The following GAL3ST1 variants were observed in gnomAD, a reference collection of about 807,000 sequenced individuals.
GAL3ST1 encodes the protein galactosylceramide sulfotransferase.
GAL3ST1 carries 13 observed loss-of-function variants against 25.0 expected under a neutral mutation model. That is an observed-to-expected ratio of 0.52 (90% CI 0.34 to 0.83). GAL3ST1 has a LOEUF of 0.83. Among genes scored for constraint, GAL3ST1 ranks in the 40% least tolerant of loss-of-function variants. The pLI is 0.02. For synonymous variants in GAL3ST1, 274 were observed against 277.8 expected (o/e 0.99, Z 0.14); for missense variants, 474 against 613.6 (o/e 0.77, Z 2.40).
chr22:30,555,545 C>T lies in GAL3ST1; in HGVS notation c.680G>A (p.Ser227Asn), dbSNP rs764105271. 1 of 1,613,668 alleles carries T rather than the reference C, an allele frequency of 6.2e-7. No homozygotes were observed. The highest frequency in any genetic ancestry group is 2.2e-5 in the East Asian group (1 of 44,874). ...CACCTGCGGGCTGCTGGGGTCCAGG[C>T]TGTTGTCATAGCCCAGGTCGAAGAA... ...LLFFDLGYDN[S>N]LDPSSPQVQE... The change falls in exon 4 of 4, where the codon AGC becomes AAC. Residue 227 changes from serine (S) to asparagine (N), a missense_variant. Around this residue, in one of 2 missense-constraint regions of GAL3ST1, gnomAD observed 359 missense variants for 504.4 expected, o/e 0.71. Transcript: ENST00000406361. This position sits in a 1 kb window ranked among gnomAD's most constrained non-coding sequence, Gnocchi z 8.6.
chr22:30,560,091 C>T (rs138685210), intron 1 of GAL3ST1, among the ~76,000 whole-genome samples: 1,631 of 152,236 alleles, frequency 0.011, 15 homozygotes, highest in Non-Finnish European at 0.017. Context: ...TACCGTGAGC[C>T]AAGGTCGCAC....
chr22:30,565,235 G>C (rs920523161), intron 1 of GAL3ST1: 1 of 152,308 alleles, frequency 6.6e-6, no homozygotes, highest in South Asian at 2.1e-4. Context: ...AGGTGGGCTG[G>C]GGTGCCAGAG....
At chr22:30,566,158 T>C (rs1168274091) in intron 1 of GAL3ST1, 1 of 152,264 alleles carries the variant, frequency 6.6e-6, no homozygotes, top group African/African-American at 2.4e-5. Flanking sequence ...GCCTTCTCTC[T>C]AGGTACTGGA....
At chr22:30,567,855 G>C (rs948861220) in intron 1 of GAL3ST1, among the ~76,000 whole-genome samples, 8 of 151,562 alleles carry the variant, frequency 5.3e-5, no homozygotes, top group African/African-American at 1.9e-4. Flanking sequence ...AGCTAATTTT[G>C]TATTTTTAGT....
chr22:30,558,048 A>C (rs989334550), intron 2 of GAL3ST1, among the ~76,000 whole-genome samples: 1 of 151,604 alleles, frequency 6.6e-6, no homozygotes, highest in Non-Finnish European at 1.5e-5. Flanking sequence ...TTGGCCTCCC[A>C]AATTGCTGGG....
intron 1 of GAL3ST1, among the ~76,000 whole-genome samples, chr22:30,558,797 A>G (rs894123381): frequency 6.6e-6 from 1 of 152,224 alleles, no homozygotes; most frequent in African/African-American, 2.4e-5. Context: ...ATTTCAGATA[A>G]ACAATGAATA....
chr22:30,572,319 A>G (rs1243939317), intron 1 of GAL3ST1, among the ~76,000 whole-genome samples: 1 of 152,160 alleles, frequency 6.6e-6, no homozygotes, highest in Non-Finnish European at 1.5e-5. Context: ...TGCAATGCAC[A>G]ATGCCGGAGA....
intron 1 of GAL3ST1, among the ~76,000 whole-genome samples, chr22:30,573,600 CCT>C (rs1377074800): frequency 3.3e-5 from 5 of 152,322 alleles, no homozygotes; most frequent in Non-Finnish European, 2.9e-5. Flanking sequence ...GTCCTCTACA[CCT>C]CTCTCCCCTC....
intron 1 of GAL3ST1, among the ~76,000 whole-genome samples, chr22:30,569,416 G>C (rs1176347758): frequency 2.0e-5 from 3 of 152,098 alleles, no homozygotes; most frequent in Non-Finnish European, 4.4e-5. Flanking sequence ...GTTGCTGTTG[G>C]GTGACTGGCT....
chr22:30,568,394 G>A (rs1032236394), intron 1 of GAL3ST1, among the ~76,000 whole-genome samples: 4 of 152,210 alleles, frequency 2.6e-5, no homozygotes, highest in African/African-American at 9.7e-5. Flanking sequence ...GCCAGCTGAT[G>A]AGGTTAAGTG....
chr22:30,555,024 G>A lies in GAL3ST1; in HGVS notation c.1201C>T (p.Leu401=), dbSNP rs747421109. Residue 401 remains leucine (L), a synonymous_variant, in exon 4 of 4, where the codon CTG becomes TTG. Transcript: ENST00000406361. This position sits in a 1 kb window ranked among gnomAD's most constrained non-coding sequence, Gnocchi z 8.6. ...CACAGGTTGGCGCCGAGGTCCATCA[G>A]GTACTGGATCTCGGGCGTGAGCATG... ...RRMLTPEIQY[L]MDLGANLWVT... 3 of 1,608,306 alleles carry A rather than the reference G, an allele frequency of 1.9e-6. No homozygotes were observed. The highest frequency in any genetic ancestry group is 3.3e-5 in the Admixed American group (2 of 59,788).
chr22:30,561,050 TTCTCC>T (rs1361911631), intron 1 of GAL3ST1, among the ~76,000 whole-genome samples: 1 of 152,118 alleles, frequency 6.6e-6, no homozygotes, highest in Non-Finnish European at 1.5e-5. Context: ...GTTCAAGTGA[TTCTCC>T]TGCCTCAGCC....
chr22:30,556,178 G>C, intron 3 of GAL3ST1, 85 bp from the exon 4 acceptor site: 1 of 1,120,994 alleles, frequency 8.9e-7, no homozygotes, highest in Non-Finnish European at 1.3e-6. Context: ...AGATTATTGG[G>C]AACAGTGGTG....
At chr22:30,564,517 G>A (rs1312652257) in intron 1 of GAL3ST1, among the ~76,000 whole-genome samples, 2 of 152,184 alleles carry the variant, frequency 1.3e-5, no homozygotes, top group African/African-American at 4.8e-5. Context: ...CAGGCACTCA[G>A]GATGGACGGT....
Position 30,564,800 on chromosome 22 carries a change from G to T in GAL3ST1, c.-119-6412C>A, listed in dbSNP as rs5994321. ...ATCCTACTTTCCCTGTAACCCCTGT[G>T]GTGGAGCAAAAGAGACACACTCACC... On this transcript the variant is annotated intron_variant, in intron 1 of 3. Coordinates refer to ENST00000406361, the MANE Select transcript of GAL3ST1 (RefSeq NM_001318104.2). 3 of 152,250 alleles carry T rather than the reference G, an allele frequency of 2.0e-5. No individual in the cohort carries two copies. In the East Asian group the frequency reaches 5.8e-4, roughly 29 times the overall value. The allele number at this position is 152,250 out of a possible 1,614,324, so 9.4% of individuals were successfully genotyped here. A position where few individuals can be genotyped will look rare whatever the true frequency, so the allele number is the denominator to read the frequency against.
At chr22:30,560,635 C>G (rs1324276159) in intron 1 of GAL3ST1, 1 of 152,220 alleles carries the variant, frequency 6.6e-6, no homozygotes, top group African/African-American at 2.4e-5. Flanking sequence ...GTCCAAAACT[C>G]TGGGCCTCAG....
intron 1 of GAL3ST1, among the ~76,000 whole-genome samples, chr22:30,569,154 G>A (rs1416901958): frequency 2.0e-5 from 3 of 152,020 alleles, no homozygotes; most frequent in African/African-American, 7.3e-5. Flanking sequence ...GATCCTGTGG[G>A]CTGTAGGGAC....
intron 1 of GAL3ST1, among the ~76,000 whole-genome samples, chr22:30,574,009 C>T (rs1214277368): frequency 2.6e-5 from 4 of 152,176 alleles, no homozygotes; most frequent in South Asian, 2.1e-4. Context: ...GGGGATCCAT[C>T]CCTTACTATG....
chr22:30,569,287 T>G (rs994603115), intron 1 of GAL3ST1, among the ~76,000 whole-genome samples: 2 of 151,936 alleles, frequency 1.3e-5, no homozygotes, highest in African/African-American at 2.4e-5. Context: ...TCCATAGTAG[T>G]TGTTACAGCT....
Sources: gnomAD v4.1 joint callset for allele counts (sites outside exome capture counted in the v4.1 genomes callset) on GRCh38, gnomAD v4.1.1 for gene constraint, gnomAD v4.1.1 regional missense constraint, Gnocchi (gnomAD v3.1) non-coding constraint, MANE v1.5 for transcripts, NCBI Gene and HGNC (gene_info 2026-07-23, HGNC 2026-07-21) for gene names.